Variants in VWF observed in about 807,000 individuals in gnomAD.
The protein encoded by VWF is von Willebrand factor.
VWF carries 176 observed loss-of-function variants against 308.6 expected under a neutral mutation model. The observed-to-expected ratio is 0.57, with a 90% CI of 0.50 to 0.65. The LOEUF (loss-of-function observed/expected upper bound fraction) is 0.65, where lower values mean the gene tolerates loss of function less well. Among genes scored for constraint, VWF ranks in the 30% least tolerant of loss-of-function variants. The pLI, the probability that VWF is intolerant of heterozygous loss-of-function variation, is 0.00. For missense variants in VWF, 3,146 were observed against 3,648.2 expected, an observed-to-expected ratio of 0.86 and a Z score of 3.55; for synonymous variants, 1,385 against 1,443.4, an observed-to-expected ratio of 0.96 and a Z score of 0.92.
rs756515188 is a variant in VWF at position 6,034,714 on chromosome 12, C to T, written c.2659G>A (p.Gly887Arg). ...TGCACCAGAACGTACTGGCACTCCC[C>T]GGGGAACAGGTATTTGAGCCCGTCG... ...TFDGLKYLFP[G>R]ECQYVLVQDY... is the part of the protein sequence containing the mutation. Residue 887 changes from glycine (G) to arginine (R), a missense_variant, in exon 20 of 52, where the codon GGG becomes AGG. By Grantham distance (125) the Gly-to-Arg change is moderately radical (BLOSUM62 -2). Transcript: ENST00000261405. The T allele has an allele frequency of 6.8e-6, 11 of 1,614,006 alleles. No homozygotes were observed. Among genetic ancestry groups the T allele is most frequent in the African/African-American group, 2.7e-5 (2 of 74,920 alleles).
At chr12:6,015,186 T>C (rs1437322584) in intron 31 of VWF, among the ~76,000 whole-genome samples, 1 of 152,234 alleles carries the variant, frequency 6.6e-6, no homozygotes, top group Non-Finnish European at 1.5e-5. Context: ...AAACGTTAAA[T>C]GGTCACCTAT....
Position 6,095,522 on chromosome 12 carries a change from A to T in VWF, c.595T>A (p.Trp199Arg), listed in dbSNP as rs1370961985. 1 of 1,614,034 alleles carries T rather than the reference A, an allele frequency of 6.2e-7. No individual in the cohort carries two copies. The highest frequency in any genetic ancestry group is 8.5e-7 in the Non-Finnish European group (1 of 1,179,992). Residue 199 changes from tryptophan (W) to arginine (R), a missense_variant, in exon 6 of 52, where the codon TGG becomes AGG. Trp to Arg is a moderately radical substitution (Grantham distance 101, BLOSUM62 -3). This residue lies in a region of VWF where 1,304 missense variants were observed against 1,353.0 expected (regional missense o/e 0.96). Transcript: ENST00000261405. ...NSWALSSGEQWCERASPPSSS... is the reference protein window; with the variant it reads ...NSWALSSGEQRCERASPPSSS... The stretch of plus-strand genomic sequence containing the variant: ...CTGGGAGGAGATGCCCGTTCACACC[A>T]CTGTTCTCCACTGCTCAGAGCCCAT...
intron 5 of VWF, among the ~76,000 whole-genome samples, chr12:6,100,503 CAAT>C: frequency 6.6e-6 from 1 of 151,516 alleles, no homozygotes; most frequent in South Asian, 2.1e-4. Context: ...AAATGTCCAA[CAAT>C]GATAGACTGG....
chr12:6,121,845 C>T (rs1945435645), intron 2 of VWF, among the ~76,000 whole-genome samples: 1 of 151,826 alleles, frequency 6.6e-6, no homozygotes, highest in African/African-American at 2.4e-5. Flanking sequence ...GCAGGAGAAT[C>T]ACTTGAGCCC....
intron 41 of VWF, among the ~76,000 whole-genome samples, chr12:5,982,925 C>T (rs1306715118): frequency 6.6e-6 from 1 of 152,186 alleles, no homozygotes; most frequent in Non-Finnish European, 1.5e-5. Context: ...GACGGAGGTG[C>T]CTGTGGCTGT....
chr12:5,960,711 GTTAACAGAA>G (rs1458287705), intron 47 of VWF, among the ~76,000 whole-genome samples: 5 of 152,214 alleles, frequency 3.3e-5, no homozygotes, highest in Non-Finnish European at 7.3e-5. Flanking sequence ...AATTCCTCAT[GTTAACAGAA>G]TTAAGGGGGA....
At chr12:6,007,913 AACAACTAC>A (rs1219728552) in intron 34 of VWF, among the ~76,000 whole-genome samples, 1 of 152,158 alleles carries the variant, frequency 6.6e-6, no homozygotes, top group East Asian at 1.9e-4. Flanking sequence ...GACTACTATG[AACAACTAC>A]ACACTAACAA....
chr12:6,063,162 G>A lies in VWF; in HGVS notation c.1433-108C>T, dbSNP rs1456283765. 2 of 900,472 alleles carry A rather than the reference G, an allele frequency of 2.2e-6. No individual in the cohort carries two copies. The highest frequency in any genetic ancestry group is 3.5e-6 in the Non-Finnish European group (2 of 564,472). The allele number at this position is 900,472 out of a possible 1,614,324, so 55.8% of individuals were successfully genotyped here. On this transcript the variant is annotated intron_variant, in intron 12 of 51. Coordinates refer to ENST00000261405, the MANE Select transcript of VWF (RefSeq NM_000552.5). This position sits in a 1 kb window ranked among gnomAD's most constrained non-coding sequence, Gnocchi z 4.9. ...GGTGTCTCAAAAGGATGGTAGCACTGAAGAGCAATGACTTAGGGGCAGATG... is the reference window on the plus strand; with the variant it reads ...GGTGTCTCAAAAGGATGGTAGCACTAAAGAGCAATGACTTAGGGGCAGATG...
At chr12:5,996,975 A>G (rs1220700486) in intron 34 of VWF, among the ~76,000 whole-genome samples, 1 of 152,200 alleles carries the variant, frequency 6.6e-6, no homozygotes, top group Non-Finnish European at 1.5e-5. Flanking sequence ...AGTTGGAGAT[A>G]AGCTTTCCAG....
rs765168583 is a variant in VWF at position 5,983,160 on chromosome 12, G to A, written c.7071C>T (p.Asn2357=). 6.2e-7 allele frequency: 1 copy of A among 1,613,878 alleles called. No homozygotes were observed. Among genetic ancestry groups the A allele is most frequent in the Non-Finnish European group, 8.5e-7 (1 of 1,179,918 alleles). Residue 2357 remains asparagine, a synonymous_variant, in exon 41 of 52, where the codon AAC becomes AAT. Transcript: ENST00000261405. ...CCACAGAGGCCTTACCGCAGGTGAA[G>A]TTGGGTCTGCACTCGCCAGGGTTGG... ...TLTNPGECRP[N]FTCACRKEEC...
intron 6 of VWF, among the ~76,000 whole-genome samples, chr12:6,089,288 A>T (rs1414949197): frequency 6.6e-6 from 1 of 152,238 alleles, no homozygotes; most frequent in Non-Finnish European, 1.5e-5. Flanking sequence ...TGATTGGCTG[A>T]GGACAAAGCA....
At chr12:5,992,214 T>C (rs879522894) in intron 37 of VWF, among the ~76,000 whole-genome samples, 196 bp from the exon 38 acceptor site, 10 of 152,368 alleles carry the variant, frequency 6.6e-5, no homozygotes, top group East Asian at 1.9e-4. Context: ...ATGAGGACTA[T>C]ATTTCCCAAC....
At chr12:6,062,601 C>T (rs915275549) in intron 13 of VWF, among the ~76,000 whole-genome samples, 3 of 152,132 alleles carry the variant, frequency 2.0e-5, no homozygotes, top group Non-Finnish European at 4.4e-5. Flanking sequence ...CTGGCTCTTC[C>T]CTTACTGCCC....
chr12:5,953,476 T>C lies in VWF; in HGVS notation c.7986+20A>G. On this transcript the variant is annotated intron_variant, in intron 48 of 51. Coordinates refer to ENST00000261405, the MANE Select transcript of VWF (RefSeq NM_000552.5). ...AAGATGGTGATATGTGAGGGAGCCC[T>C]GCATTCAGCTTGCTCCTACCTTCAG... is the stretch of plus-strand genomic sequence containing the variant. 1 of 1,605,074 alleles carries C rather than the reference T, an allele frequency of 6.2e-7. No individual in the cohort carries two copies. Among genetic ancestry groups the C allele is most frequent in the African/African-American group, 1.3e-5 (1 of 74,872 alleles).
At chr12:6,103,123 T>C (rs566796998) in intron 5 of VWF, among the ~76,000 whole-genome samples, 32 of 152,108 alleles carry the variant, frequency 2.1e-4, no homozygotes, top group Non-Finnish European at 4.3e-4. Context: ...GTCAGGAGAT[T>C]GAGACCATCC....
intron 3 of VWF, among the ~76,000 whole-genome samples, chr12:6,116,274 A>C (rs1339868668): frequency 6.6e-6 from 1 of 152,204 alleles, no homozygotes; most frequent in African/African-American, 2.4e-5. Flanking sequence ...TGCTGAACGC[A>C]GTGATTAAGG....
intron 34 of VWF, among the ~76,000 whole-genome samples, chr12:6,011,187 C>A (rs1943988958): frequency 6.6e-6 from 1 of 152,156 alleles, no homozygotes; most frequent in African/African-American, 2.4e-5. Context: ...TAAATATTTC[C>A]TCCTCTTAAT....
At chr12:6,103,445 TAC>T (rs1227725725) in intron 5 of VWF, among the ~76,000 whole-genome samples, 1 of 101,752 alleles carries the variant, frequency 9.8e-6, no homozygotes, top group Non-Finnish European at 1.9e-5. Flanking sequence ...TGTATATACA[TAC>T]ACATATATGT....
At chr12:6,018,046 A>G (rs1312789920) in intron 28 of VWF, among the ~76,000 whole-genome samples, 1 of 141,762 alleles carries the variant, frequency 7.1e-6, no homozygotes, top group Non-Finnish European at 1.5e-5. Flanking sequence ...GCTGTGTGAT[A>G]AAGTAAGACT....
Sources: allele counts gnomAD v4.1 joint callset (sites outside exome capture counted in the v4.1 genomes callset), GRCh38; gene constraint gnomAD v4.1.1; regional missense constraint gnomAD v4.1.1; non-coding constraint Gnocchi (gnomAD v3.1); transcripts MANE v1.5; gene names NCBI Gene and HGNC (gene_info 2026-07-23, HGNC 2026-07-21).